ZMYM4: variants seen among roughly 807,000 people sequenced by gnomAD.
The protein encoded by ZMYM4 is zinc finger MYM-type containing 4, also known as zinc finger MYM-type protein 4.
Under a neutral mutation model 183.2 loss-of-function variants are expected in ZMYM4, and 31 were observed. The ratio of observed to expected loss-of-function variants is 0.17; its 90% confidence interval spans 0.13 to 0.23. The LOEUF (loss-of-function observed/expected upper bound fraction) is 0.23. Ranked by LOEUF, ZMYM4 falls within the 10% of genes least tolerant of loss-of-function variation. The pLI, the probability that ZMYM4 is intolerant of heterozygous loss-of-function variation, is 1.00. For missense variants in ZMYM4, 1,273 were observed against 1,840.3 expected (o/e 0.69, Z 5.64); for synonymous variants, 592 against 631.2 (o/e 0.94, Z 0.93).
intron 23 of ZMYM4, among the ~76,000 whole-genome samples, chr1:35,402,900 T>TAGTTAGTTAATATTA (rs1476100063): frequency 6.6e-6 from 1 of 152,224 alleles, no homozygotes; most frequent in African/African-American, 2.4e-5. Context: ...GTATCTTCAG[T>TAGTTAGTTAATATTA]ACAATGTTGA....
chr1:35,350,609 T>C (rs1290419550), intron 2 of ZMYM4: 1 of 188,088 alleles, frequency 5.3e-6, no homozygotes, highest in Non-Finnish European at 1.1e-5. Context: ...AATACTAGTT[T>C]ATTTCTGAAA....
intron 1 of ZMYM4, among the ~76,000 whole-genome samples, chr1:35,293,789 A>G (rs1640876809): frequency 6.6e-6 from 1 of 152,120 alleles, no homozygotes; most frequent in African/African-American, 2.4e-5. Context: ...GGAGCCCTGG[A>G]GGTCGATGCT....
intron 13 of ZMYM4, among the ~76,000 whole-genome samples, chr1:35,388,231 G>A (rs964425018): frequency 6.6e-6 from 1 of 152,086 alleles, no homozygotes; most frequent in Non-Finnish European, 1.5e-5. Context: ...TTGAGACAGA[G>A]TCTTGCTTTG....
chr1:35,302,102 G>C (rs944240200), intron 1 of ZMYM4, among the ~76,000 whole-genome samples: 1 of 151,772 alleles, frequency 6.6e-6, no homozygotes, highest in East Asian at 1.9e-4. Flanking sequence ...TTGTCTGAGC[G>C]CAGTCTCTAG....
At chr1:35,303,135 T>A (rs1369634873) in intron 1 of ZMYM4, among the ~76,000 whole-genome samples, 1 of 147,014 alleles carries the variant, frequency 6.8e-6, no homozygotes, top group Non-Finnish European at 1.5e-5. Context: ...TTGCAAAAAA[T>A]CCAGAAATTA....
chr1:35,339,704 T>G (rs901665800), intron 2 of ZMYM4, among the ~76,000 whole-genome samples: 1 of 152,180 alleles, frequency 6.6e-6, no homozygotes, highest in African/African-American at 2.4e-5. Flanking sequence ...TGACTGTATA[T>G]TATTTCCTAA....
intron 1 of ZMYM4, among the ~76,000 whole-genome samples, chr1:35,317,950 G>A (rs1003497517): frequency 3.3e-5 from 5 of 151,926 alleles, no homozygotes; most frequent in African/African-American, 1.2e-4. Context: ...AAGTAATACT[G>A]GTACAAATTT....
intron 1 of ZMYM4, among the ~76,000 whole-genome samples, chr1:35,304,056 G>T (rs1264466507): frequency 6.7e-6 from 1 of 149,060 alleles, no homozygotes; most frequent in African/African-American, 2.5e-5. Flanking sequence ...ACGGAGTTTC[G>T]CGCTGTCGCC....
chr1:35,335,130 G>C (rs1642918176), intron 2 of ZMYM4, among the ~76,000 whole-genome samples: 2 of 151,828 alleles, frequency 1.3e-5, no homozygotes, highest in African/African-American at 4.8e-5. Context: ...TTATTTTCTT[G>C]CTTTTCCTTT....
At chr1:35,410,720 C>T (rs57985804) in intron 26 of ZMYM4, among the ~76,000 whole-genome samples, 1 of 150,924 alleles carries the variant, frequency 6.6e-6, no homozygotes, top group Non-Finnish European at 1.5e-5. Flanking sequence ...TTGGATCTCC[C>T]ACCTCGTGAT....
chr1:35,343,694 A>G (rs540911951), intron 2 of ZMYM4, among the ~76,000 whole-genome samples: 25 of 152,106 alleles, frequency 1.6e-4, no homozygotes, highest in Admixed American at 4.6e-4. Flanking sequence ...GTGAAACCCC[A>G]TCTCTACTAA....
rs535066699 is a variant in ZMYM4 at position 35,338,460 on chromosome 1, C to A, written c.85+13055C>A. Reference sequence around the variant, plus strand: ...AGGGCTGACTTTTTTTTCATATCAGCAGTCTCATGCCAACTGTAGGCCTTG... The same window carrying A: ...AGGGCTGACTTTTTTTTCATATCAGAAGTCTCATGCCAACTGTAGGCCTTG... On this transcript the variant is annotated intron_variant, in intron 2 of 29. Coordinates refer to ENST00000314607, the MANE Select transcript of ZMYM4 (RefSeq NM_005095.3). 3.9e-5 allele frequency among the ~76,000 whole-genome samples: 6 copies of A among 152,256 alleles called. No individual in the cohort carries two copies. The South Asian group carries it at 1.2e-3, about 32-fold the overall frequency.
intron 1 of ZMYM4, among the ~76,000 whole-genome samples, chr1:35,270,987 G>A (rs890271504): frequency 1.3e-5 from 2 of 152,154 alleles, no homozygotes; most frequent in African/African-American, 4.8e-5. Context: ...ATGATGGTAT[G>A]TCCAAATAGT....
At chr1:35,288,248 C>G (rs1283980499) in intron 1 of ZMYM4, among the ~76,000 whole-genome samples, 1 of 152,208 alleles carries the variant, frequency 6.6e-6, no homozygotes, top group East Asian at 1.9e-4. Flanking sequence ...GCACTCCCTT[C>G]TTTACTGTTT....
At chr1:35,394,749 A>G (rs1460975787) in intron 18 of ZMYM4, among the ~76,000 whole-genome samples, 1 of 152,198 alleles carries the variant, frequency 6.6e-6, no homozygotes, top group Non-Finnish European at 1.5e-5. Context: ...CTGTTTTTAA[A>G]TAGTTTCACT....
At chr1:35,405,531 G>C in intron 25 of ZMYM4, 63 bp downstream of exon 25, 1 of 1,238,412 alleles carries the variant, frequency 8.1e-7, no homozygotes, top group Non-Finnish European at 1.1e-6. Context: ...ATTTAAATTT[G>C]TAAATTGAAT....
At chr1:35,344,479 T>C (rs1558042958) in intron 2 of ZMYM4, among the ~76,000 whole-genome samples, 2 of 152,158 alleles carry the variant, frequency 1.3e-5, no homozygotes, top group Non-Finnish European at 2.9e-5. Context: ...GTTGATTTTT[T>C]TTTTTATAGA....
chr1:35,387,743 CTTAG>C, intron 13 of ZMYM4, 139 bp downstream of exon 13: 1 of 855,592 alleles, frequency 1.2e-6, no homozygotes, highest in Non-Finnish European at 1.7e-6. Flanking sequence ...TTCATTTACA[CTTAG>C]TTCATTCTTT....
At chr1:35,277,972 A>G (rs1339231873) in intron 1 of ZMYM4, among the ~76,000 whole-genome samples, 4 of 152,290 alleles carry the variant, frequency 2.6e-5, no homozygotes, top group Non-Finnish European at 4.4e-5. Context: ...TAAGGCTGCC[A>G]AAAAACTGCT....
Sources: allele counts gnomAD v4.1 joint callset (sites outside exome capture counted in the v4.1 genomes callset), GRCh38; gene constraint gnomAD v4.1.1; transcripts MANE v1.5; gene names NCBI Gene and HGNC (gene_info 2026-07-23, HGNC 2026-07-21).